The following ZNF493 variants were observed in gnomAD, a reference collection of about 807,000 sequenced individuals.
ZNF493 encodes the protein zinc finger protein 493.
A neutral mutation model predicts 12.2 loss-of-function variants in ZNF493; 11 were observed. The ratio of observed to expected loss-of-function variants is 0.90; its 90% CI spans 0.57 to 1.50. ZNF493 has a LOEUF of 1.50. Among genes scored for constraint, ZNF493 ranks in the 40% most tolerant of loss-of-function variants. ZNF493 has a pLI of 0.00. For missense variants in ZNF493, 950 were observed against 906.6 expected, an observed-to-expected ratio of 1.05 and a Z score of -0.61; for synonymous variants, 286 against 302.6, an observed-to-expected ratio of 0.95 and a Z score of 0.57.
rs1169086607 is a variant in ZNF493 at position 21,424,375 on chromosome 19, C to T, written c.1716C>T (p.Pro572=). 1.9e-6 allele frequency: 3 copies of T among 1,613,250 alleles called. No individual in the cohort carries two copies. Among genetic ancestry groups the T allele is most frequent in the Admixed American group, 1.7e-5 (1 of 59,894 alleles). ...AGAGAATTCATACTGGACACAAACC[C>T]TACAAATGTAAAGAATGTGGCAAAT... ...THKRIHTGHK[P]YKCKECGKSF... is the part of the protein sequence containing the mutation. The change falls in exon 4 of 4, where the codon CCC becomes CCT. Residue 572 remains proline (P), a synonymous_variant. Transcript: ENST00000392288.
At chr19:21,412,846 C>T in intron 3 of ZNF493, 1 of 335,282 alleles carries the variant, frequency 3.0e-6, no homozygotes, top group South Asian at 2.2e-5. Context: ...TATTCTTTCC[C>T]AAATTTTGAT....
At chr19:21,402,296 T>G (rs2029974369) in intron 1 of ZNF493, among the ~76,000 whole-genome samples, 1 of 152,174 alleles carries the variant, frequency 6.6e-6, no homozygotes, top group South Asian at 2.1e-4. Flanking sequence ...TAATTCAATT[T>G]TGGAGCTTGT....
chr19:21,416,603 T>C (rs1435318720), intron 3 of ZNF493, among the ~76,000 whole-genome samples: 2 of 152,220 alleles, frequency 1.3e-5, no homozygotes, highest in African/African-American at 2.4e-5. Flanking sequence ...TGAATAGTTA[T>C]GTCACAGGTA....
chr19:21,415,492 G>T (rs1241747685), intron 3 of ZNF493, among the ~76,000 whole-genome samples: 3 of 152,100 alleles, frequency 2.0e-5, no homozygotes, highest in African/African-American at 7.2e-5. Flanking sequence ...CCCCAAGTAG[G>T]AGTAGGGAGT....
Position 21,425,540 on chromosome 19 carries a change from C to T in ZNF493, c.*556C>T. On this transcript the variant is annotated 3_prime_UTR_variant, in exon 4 of 4. Coordinates refer to ENST00000392288, the MANE Select transcript of ZNF493 (RefSeq NM_001076678.3). ...AAACCTACAAATGTGAGGAATGTGG[C>T]AAAGCCTTTAGCCTGTCCCTCCAAT... 1.8e-6 allele frequency: 1 copy of T among 558,204 alleles called. No homozygotes were observed. The highest frequency in any genetic ancestry group is 3.5e-6 in the Non-Finnish European group (1 of 289,670). 34.6% of individuals were successfully genotyped at this position (558,204 alleles called of 1,614,324 possible). A position where few individuals can be genotyped will look rare whatever the true frequency, so the allele number is the denominator to read the frequency against.
chr19:21,418,679 A>G (rs910213511), intron 3 of ZNF493, among the ~76,000 whole-genome samples: 6 of 152,220 alleles, frequency 3.9e-5, no homozygotes, highest in Admixed American at 1.3e-4. Context: ...TTACCCACGT[A>G]TTTATTAACA....
At chr19:21,419,055 C>T (rs528122861) in intron 3 of ZNF493, among the ~76,000 whole-genome samples, 1 of 152,314 alleles carries the variant, frequency 6.6e-6, no homozygotes, top group South Asian at 2.1e-4. Flanking sequence ...TCTGAGTAAT[C>T]TTTCAAATTA....
Position 21,425,716 on chromosome 19 carries a change from T to G in ZNF493, c.*732T>G. 1 of 699,366 alleles carries G rather than the reference T, an allele frequency of 1.4e-6. No homozygotes were observed. The highest frequency in any genetic ancestry group is 1.9e-5 in the Admixed American group (1 of 51,424). The allele number at this position is 699,366 out of a possible 1,614,324, so 43.3% of individuals were successfully genotyped here. ...AAATGTGAAAAATGTGGCAAAGCTT[T>G]TAACCAATTTTCAAACCTTACTAAA... On this transcript the variant is annotated 3_prime_UTR_variant, in exon 4 of 4. Coordinates refer to ENST00000392288, the MANE Select transcript of ZNF493 (RefSeq NM_001076678.3).
intron 1 of ZNF493, among the ~76,000 whole-genome samples, chr19:21,403,089 G>T (rs1410948305): frequency 6.6e-6 from 1 of 152,204 alleles, no homozygotes; most frequent in African/African-American, 2.4e-5. Context: ...AGACATTTGA[G>T]GATGTCAGGG....
chr19:21,401,088 T>G (rs1440033223), intron 1 of ZNF493, among the ~76,000 whole-genome samples: 1 of 152,210 alleles, frequency 6.6e-6, no homozygotes, highest in Non-Finnish European at 1.5e-5. Context: ...TGGCTGTAAG[T>G]TTGTCATACT....
rs768366232 is a variant in ZNF493, at chr19:21,424,577, C to T, written c.1918C>T (p.Arg640Trp). 7 of 1,608,192 alleles carry T rather than the reference C, an allele frequency of 4.4e-6. No individual in the cohort carries two copies. Among genetic ancestry groups the T allele is most frequent in the East Asian group, 4.5e-5 (2 of 44,576 alleles). ...TGAAGAATGTGGCAAAGCTTTTAAG[C>T]GGTCCTCACACCTCGCTGGGCACAA... Reference protein sequence around the residue: ...KCEECGKAFKRSSHLAGHKQI... With the variant: ...KCEECGKAFKWSSHLAGHKQI... The change falls in exon 4 of 4, where the codon CGG becomes TGG. Residue 640 changes from arginine to tryptophan, a missense_variant. Physicochemically the swap from Arg to Trp is moderately radical, Grantham distance 101. Coordinates refer to ENST00000392288, the MANE Select transcript of ZNF493 (RefSeq NM_001076678.3).
chr19:21,404,017 A>G (rs2030035153), intron 1 of ZNF493, among the ~76,000 whole-genome samples: 1 of 152,204 alleles, frequency 6.6e-6, no homozygotes, highest in South Asian at 2.1e-4. Flanking sequence ...GTCCTTAGTA[A>G]AGATAAATAA....
At chr19:21,407,153 G>A (rs1220606011) in intron 3 of ZNF493, among the ~76,000 whole-genome samples, 1 of 152,034 alleles carries the variant, frequency 6.6e-6, no homozygotes, top group African/African-American at 2.4e-5. Flanking sequence ...TTCGAGACTA[G>A]TCTCGCCATT....
chr19:21,408,023 G>A (rs2030191777), intron 3 of ZNF493: 1 of 984,968 alleles, frequency 1.0e-6, no homozygotes, highest in African/African-American at 1.8e-5. Context: ...AGTGGAGTGG[G>A]GTTGTAACTT....
chr19:21,425,086 C>A lies in ZNF493; in HGVS notation c.*102C>A. The A allele has an allele frequency of 8.4e-7, 1 of 1,195,338 alleles. No individual in the cohort carries two copies. Among genetic ancestry groups the A allele is most frequent in the Non-Finnish European group, 1.2e-6 (1 of 821,264 alleles). 74.0% of individuals were successfully genotyped at this position (1,195,338 alleles called of 1,614,324 possible). A position where few individuals can be genotyped will look rare whatever the true frequency, so the allele number is the denominator to read the frequency against. On this transcript the variant is annotated 3_prime_UTR_variant, in exon 4 of 4. Transcript: ENST00000392288. ...CTTAATACACATAAGATAATTAATG[C>A]TGGAGAGAAACCCTACAAATGTGAA... is the stretch of plus-strand genomic sequence containing the variant.
intron 1 of ZNF493, chr19:21,398,633 A>G (rs1052845153): frequency 2.3e-6 from 1 of 442,320 alleles, no homozygotes; most frequent in South Asian, 1.7e-5. Context: ...TATGGAGTGT[A>G]TCCTCTCAAG....
At chr19:21,422,423 CTTTATTTAT>C (rs2030705442) in intron 3 of ZNF493, among the ~76,000 whole-genome samples, 1 of 129,494 alleles carries the variant, frequency 7.7e-6, no homozygotes, top group South Asian at 2.4e-4. Flanking sequence ...CAAGTTACTT[CTTTATTTAT>C]TTATTTATTT....
chr19:21,426,302 T>TA lies in ZNF493; in HGVS notation c.*1319dup, dbSNP rs1240007769. The TA allele has an allele frequency of 1.6e-5, 3 of 185,916 alleles. No individual in the cohort carries two copies. The highest frequency in any genetic ancestry group is 7.2e-5 in the African/African-American group (3 of 41,608). The allele number at this position is 185,916 out of a possible 1,614,324, so 11.5% of individuals were successfully genotyped here. A position where few individuals can be genotyped will look rare whatever the true frequency, so the allele number is the denominator to read the frequency against. On this transcript the variant is annotated 3_prime_UTR_variant, in exon 4 of 4. Transcript: ENST00000392288. ...ACAATGTGGCAAAGTTTTTAACTAA[T>TA]ACACCTTATTGCACAGAAAATCATT...
rs538478491 is a variant in ZNF493 at position 21,397,167 on chromosome 19, C to G, written c.-71C>G. 4 of 1,581,130 alleles carry G rather than the reference C, an allele frequency of 2.5e-6. No homozygotes were observed. The highest frequency in any genetic ancestry group is 1.3e-5 in the African/African-American group (1 of 74,362). On this transcript the variant is annotated 5_prime_UTR_variant, in exon 1 of 4. Coordinates refer to ENST00000392288, the MANE Select transcript of ZNF493 (RefSeq NM_001076678.3). ...CTCTGCTGCCGGAGCTCCAGGTCTA[C>G]CCTTCACTGCTCTGTGTCCTCAGCG...
Sources: allele counts gnomAD v4.1 joint callset (sites outside exome capture counted in the v4.1 genomes callset), GRCh38; gene constraint gnomAD v4.1.1; transcripts MANE v1.5; gene names NCBI Gene and HGNC (gene_info 2026-07-23, HGNC 2026-07-21).